IGSF11: variants seen among roughly 807,000 people sequenced by gnomAD.
The protein encoded by IGSF11 is immunoglobulin superfamily member 11, also known as CXADR like 1.
In IGSF11, 22 loss-of-function variants were observed where a neutral mutation model predicts 41.0. The observed-to-expected ratio is 0.54, with a 90% CI of 0.38 to 0.77. IGSF11 has a LOEUF of 0.77. IGSF11 is among the 30% of genes least tolerant of loss of function. The probability of loss-of-function intolerance (pLI) is 0.00; values close to 1 mark genes in which losing one functional copy is unlikely to be tolerated. For synonymous variants in IGSF11, 219 were observed against 201.3 expected (o/e 1.09, Z -0.74); for missense variants, 444 against 530.8 (o/e 0.84, Z 1.61).
At chr3:118,994,975 A>G (rs959551415) in intron 1 of IGSF11, among the ~76,000 whole-genome samples, 2 of 152,216 alleles carry the variant, frequency 1.3e-5, no homozygotes, top group South Asian at 2.1e-4. Context: ...TATGTAATAG[A>G]AAAGCGGCTT....
chr3:119,123,101 C>A (rs2077355187), intron 1 of IGSF11, among the ~76,000 whole-genome samples: 1 of 152,094 alleles, frequency 6.6e-6, no homozygotes, highest in Admixed American at 6.5e-5. Context: ...CCATGCTGGG[C>A]CAGAGGGAAG....
In IGSF11 at chr3:119,014,919, C is replaced by G. The variant is rs1370462398; in HGVS notation, c.52+19612G>C. Among the ~76,000 whole-genome samples the G allele has an allele frequency of 2.0e-5, 3 of 152,196 alleles. No individual in the cohort carries two copies. The South Asian group carries it at 6.2e-4, about 32-fold the overall frequency. On this transcript the variant is annotated intron_variant, in intron 1 of 6. Transcript: ENST00000393775. ...CCTTCAGAAGCAAATCAGTAAATAC[C>G]TATACACCTTTTTATGTATCTAAAA...
intron 1 of IGSF11, among the ~76,000 whole-genome samples, chr3:119,070,157 T>A (rs990081631): frequency 8.5e-5 from 13 of 152,324 alleles, no homozygotes; most frequent in South Asian, 2.1e-4. Context: ...TCACAGTTCT[T>A]CTAGACCAAA....
At chr3:118,910,728 T>C (rs1172571370) in intron 4 of IGSF11, among the ~76,000 whole-genome samples, 1 of 152,178 alleles carries the variant, frequency 6.6e-6, no homozygotes, top group African/African-American at 2.4e-5. Context: ...CACGAACCTT[T>C]ATGTCAGCTT....
chr3:118,921,266 T>C (rs898365884), intron 4 of IGSF11, among the ~76,000 whole-genome samples: 1 of 152,158 alleles, frequency 6.6e-6, no homozygotes, highest in Non-Finnish European at 1.5e-5. Context: ...TGTTCAGCAA[T>C]GTATCTTCAG....
intron 4 of IGSF11, among the ~76,000 whole-genome samples, chr3:118,916,575 C>A (rs2107502178): frequency 6.6e-6 from 1 of 150,980 alleles, no homozygotes; most frequent in East Asian, 2.0e-4. Flanking sequence ...AATATATATG[C>A]ACCCAATACA....
chr3:119,119,709 C>T (rs2077306851), intron 1 of IGSF11, among the ~76,000 whole-genome samples: 1 of 152,118 alleles, frequency 6.6e-6, no homozygotes, highest in African/African-American at 2.4e-5. Flanking sequence ...AATTTCAATT[C>T]TCAGAGTACG....
intron 1 of IGSF11, among the ~76,000 whole-genome samples, chr3:119,142,274 CAAAAA>C (rs11328968): frequency 2.4e-5 from 2 of 81,760 alleles, no homozygotes; most frequent in Admixed American, 1.5e-4. Flanking sequence ...GACTCCATCT[CAAAAA>C]AAAAAAAAAA....
chr3:119,129,268 T>C (rs2077444749), intron 1 of IGSF11, among the ~76,000 whole-genome samples: 1 of 152,138 alleles, frequency 6.6e-6, no homozygotes. Context: ...CATACATGTA[T>C]ACATGTATCC....
intron 1 of IGSF11, among the ~76,000 whole-genome samples, chr3:119,019,674 G>A (rs1458739247): frequency 2.0e-5 from 3 of 152,030 alleles, no homozygotes; most frequent in African/African-American, 7.2e-5. Flanking sequence ...GCCTCTGCTG[G>A]AGAATATCTT....
chr3:118,942,820 T>C (rs1943801994), intron 1 of IGSF11, among the ~76,000 whole-genome samples: 1 of 152,194 alleles, frequency 6.6e-6, no homozygotes, highest in African/African-American at 2.4e-5. Flanking sequence ...CCAACAGGCT[T>C]CCTGTCTCTT....
intron 1 of IGSF11, among the ~76,000 whole-genome samples, chr3:119,019,732 G>A (rs1437579678): frequency 2.6e-5 from 4 of 152,118 alleles, no homozygotes; most frequent in Non-Finnish European, 4.4e-5. Flanking sequence ...ATGCTCCTCC[G>A]TGAGGGTATT....
At chr3:119,070,648 T>C (rs557297218) in intron 1 of IGSF11, among the ~76,000 whole-genome samples, 1 of 152,298 alleles carries the variant, frequency 6.6e-6, no homozygotes, top group Non-Finnish European at 1.5e-5. Flanking sequence ...TGTTGATGTT[T>C]GCTTTGTTTT....
chr3:118,962,542 T>C (rs1425277846), intron 1 of IGSF11, among the ~76,000 whole-genome samples: 1 of 152,062 alleles, frequency 6.6e-6, no homozygotes, highest in East Asian at 1.9e-4. Context: ...GTGGAAGAAG[T>C]ATTTGGGGGA....
At chr3:119,033,002 G>A (rs1489921932) in intron 1 of IGSF11, among the ~76,000 whole-genome samples, 1 of 152,118 alleles carries the variant, frequency 6.6e-6, no homozygotes, top group Non-Finnish European at 1.5e-5. Context: ...AGAAGTCCTT[G>A]GAAGTCTTTA....
At chr3:119,106,952 G>A (rs1280273666), upstream of IGSF11, among the ~76,000 whole-genome samples, 1 of 152,160 alleles carries the variant, frequency 6.6e-6, no homozygotes, top group Non-Finnish European at 1.5e-5. Flanking sequence ...ATTCTATGGT[G>A]TATATGGTTC....
At chr3:118,976,041 A>G (rs1394345320) in intron 1 of IGSF11, among the ~76,000 whole-genome samples, 1 of 152,186 alleles carries the variant, frequency 6.6e-6, no homozygotes, top group Non-Finnish European at 1.5e-5. Context: ...AAATTTTAAA[A>G]AAAACAGAAC....
At chr3:119,128,484 G>T (rs1232525675) in intron 1 of IGSF11, among the ~76,000 whole-genome samples, 1 of 152,150 alleles carries the variant, frequency 6.6e-6, no homozygotes, top group East Asian at 1.9e-4. Flanking sequence ...AGACCCATTG[G>T]CGTGCTGTAT....
intron 1 of IGSF11, among the ~76,000 whole-genome samples, chr3:119,094,895 C>T (rs796144408): frequency 3.9e-5 from 6 of 152,092 alleles, no homozygotes; most frequent in African/African-American, 1.4e-4. Context: ...TGGTCTCGAA[C>T]ACCTGACCTC....
Sources: allele counts gnomAD v4.1 joint callset (sites outside exome capture counted in the v4.1 genomes callset), GRCh38; gene constraint gnomAD v4.1.1; transcripts MANE v1.5; gene names NCBI Gene and HGNC (gene_info 2026-07-23, HGNC 2026-07-21).